Variants in PCDH15 observed in about 807,000 individuals in gnomAD.
PCDH15 encodes the protein protocadherin-15.
In PCDH15, 129 loss-of-function variants were observed where a neutral mutation model predicts 178.5. The ratio of observed to expected loss-of-function variants is 0.72; its 90% CI spans 0.63 to 0.84. The LOEUF is 0.84. Ranked by LOEUF, PCDH15 falls within the 40% of genes least tolerant of loss-of-function variation. The pLI, the probability that PCDH15 is intolerant of heterozygous loss-of-function variation, is 0.00. For synonymous variants in PCDH15, 800 were observed against 732.0 expected, an observed-to-expected ratio of 1.09 and a Z score of -1.50; for missense variants, 2,230 against 2,099.9, an observed-to-expected ratio of 1.06 and a Z score of -1.21.
At chr10:54,578,130 GC>G (rs2090693540) in intron 2 of PCDH15, among the ~76,000 whole-genome samples, 1 of 151,958 alleles carries the variant, frequency 6.6e-6, no homozygotes, top group African/African-American at 2.4e-5. Context: ...ATGTTGATTA[GC>G]CTACTCCTTA....
intron 8 of PCDH15, among the ~76,000 whole-genome samples, chr10:54,264,428 CT>C (rs2057536097): frequency 6.6e-6 from 1 of 152,016 alleles, no homozygotes; most frequent in African/African-American, 2.4e-5. Context: ...ATGTAAATGT[CT>C]GAAATGAGAG....
intron 2 of PCDH15, among the ~76,000 whole-genome samples, chr10:54,943,878 A>G (rs1326677336): frequency 2.0e-5 from 3 of 151,006 alleles, no homozygotes; most frequent in African/African-American, 7.3e-5. Context: ...AAAAAAAAGC[A>G]TGACATTCTG....
rs1029865601 is a variant in PCDH15 at position 53,902,442 on chromosome 10, T to G, written c.3501+801A>C. On this transcript the variant is annotated intron_variant, in intron 26 of 37. Coordinates refer to ENST00000644397, the MANE Select transcript of PCDH15 (RefSeq NM_001384140.1). The stretch of plus-strand genomic sequence containing the variant: ...ATTTGCCAGAGATGTTTAGGTTTTA[T>G]GTGCAATTTACAGCTATTTACAAGT... Among the ~76,000 whole-genome samples, 6 of 152,268 alleles carry G rather than the reference T, an allele frequency of 3.9e-5. No homozygotes were observed. The East Asian group carries it at 1.2e-3, about 29-fold the overall frequency.
At chr10:55,303,330 A>T (rs12414851) in intron 1 of PCDH15, among the ~76,000 whole-genome samples, 5,981 of 152,264 alleles carry the variant, frequency 0.039, 169 homozygotes, top group East Asian at 0.092. Flanking sequence ...GTCTTGCTTG[A>T]ATCAGATTGT....
chr10:54,354,008 C>G (rs112021301), intron 5 of PCDH15, among the ~76,000 whole-genome samples: 1 of 151,948 alleles, frequency 6.6e-6, no homozygotes, highest in African/African-American at 2.4e-5. Flanking sequence ...TTTGAGATGA[C>G]GAGTTTCGCT....
chr10:53,840,338 T>C lies in PCDH15; in HGVS notation c.3965A>G (p.Asp1322Gly). The change falls in exon 29 of 38, where the codon GAT becomes GGT. Residue 1322 changes from aspartate to glycine, a missense_variant. Transcript: ENST00000644397. ...AIDPQTNRAI[D>G]RNELFKFLDG... ...CACTTACTTAAAAAGCTCATTTCTA[T>C]CGATGGCTCTGTTGGTTTGGGGGTC... 6.2e-7 allele frequency: 1 copy of C among 1,614,192 alleles called. No homozygotes were observed. The highest frequency in any genetic ancestry group is 8.5e-7 in the Non-Finnish European group (1 of 1,180,008).
chr10:54,804,331 G>A (rs1303612131), upstream of PCDH15, among the ~76,000 whole-genome samples: 3 of 152,134 alleles, frequency 2.0e-5, no homozygotes, highest in South Asian at 2.1e-4. Context: ...GAGCCACCGC[G>A]CCTGCCAGCT....
At chr10:54,936,973 T>G (rs371692660) in intron 2 of PCDH15, among the ~76,000 whole-genome samples, 43 of 152,144 alleles carry the variant, frequency 2.8e-4, no homozygotes, top group African/African-American at 9.9e-4. Flanking sequence ...TTCTATGGTT[T>G]TATTTCTTAC....
In PCDH15 at chr10:54,132,954, G is replaced by A; in HGVS notation, c.1838C>T (p.Pro613Leu). 1.9e-6 allele frequency: 3 copies of A among 1,614,086 alleles called. No individual in the cohort carries two copies. The highest frequency in any genetic ancestry group is 2.5e-6 in the Non-Finnish European group (3 of 1,179,992). The change falls in exon 15 of 38, where the codon CCT becomes CTT. Residue 613 changes from proline (P) to leucine (L), a missense_variant. Transcript: ENST00000644397. ...IEVLPPNNQS[P>L]PRFPQLMYSL... is the part of the protein sequence containing the mutation. ...ATACATCAGCTGTGGGAAGCGAGGA[G>A]GGCTTTGATTATTTGGTGGAAGCAC...
intron 2 of PCDH15, among the ~76,000 whole-genome samples, chr10:55,479,772 C>G (rs1840138782): frequency 6.6e-6 from 1 of 150,990 alleles, no homozygotes; most frequent in Non-Finnish European, 1.5e-5. Flanking sequence ...CAGATTCCAC[C>G]AAAAAAAGGG....
intron 8 of PCDH15, among the ~76,000 whole-genome samples, chr10:54,316,140 T>G (rs1436478689): frequency 6.6e-6 from 1 of 152,114 alleles, no homozygotes; most frequent in African/African-American, 2.4e-5. Context: ...AACTATTTAT[T>G]TTTCTCTCCA....
chr10:54,633,746 T>C (rs1296079744), intron 2 of PCDH15, among the ~76,000 whole-genome samples: 1 of 152,126 alleles, frequency 6.6e-6, no homozygotes. Flanking sequence ...AAATATAAAG[T>C]ATCTACCTGT....
At chr10:54,300,846 T>C (rs1390527469) in intron 8 of PCDH15, among the ~76,000 whole-genome samples, 1 of 152,186 alleles carries the variant, frequency 6.6e-6, no homozygotes, top group Non-Finnish European at 1.5e-5. Context: ...CAGCAGGATG[T>C]GGATGGGGCC....
intron 5 of PCDH15, among the ~76,000 whole-genome samples, chr10:54,359,020 G>A (rs1945536794): frequency 8.2e-6 from 1 of 122,314 alleles, no homozygotes; most frequent in Non-Finnish European, 1.7e-5. Context: ...GTGGGGTGGG[G>A]GGAGGGGGAG....
At chr10:55,363,060 T>C (rs1012554367) in intron 2 of PCDH15, among the ~76,000 whole-genome samples, 2 of 152,188 alleles carry the variant, frequency 1.3e-5, no homozygotes, top group African/African-American at 4.8e-5. Flanking sequence ...ATGCAGTCCA[T>C]GGGCTGTGGG....
At chr10:54,492,982 C>T (rs912927796) in intron 3 of PCDH15, among the ~76,000 whole-genome samples, 11 of 152,082 alleles carry the variant, frequency 7.2e-5, no homozygotes, top group East Asian at 5.8e-4. Context: ...TAGATGGCAG[C>T]AGGCAAAGAG....
At position 54,876,479 on chromosome 10, in the gene PCDH15, G is replaced by A. The variant is rs78226852; in HGVS notation, c.-29+20971C>T. On this transcript the variant is annotated intron_variant, in intron 3 of 5. Transcript: ENST00000458638. ...CTTACAAGGAATCCGGGCAAAGTAC[G>A]TTGAAAACCTTCTGGAATCACCATT... is the stretch of plus-strand genomic sequence containing the variant. 8.8e-3 allele frequency among the ~76,000 whole-genome samples: 1,339 copies of A among 152,176 alleles called. 15 individuals are homozygous for A. The highest frequency in any genetic ancestry group is 0.03 in the African/African-American group (1,246 of 41,526).
intron 16 of PCDH15, among the ~76,000 whole-genome samples, chr10:54,083,717 A>G (rs1484590031): frequency 6.6e-6 from 1 of 152,174 alleles, no homozygotes; most frequent in East Asian, 1.9e-4. Flanking sequence ...TGGTAGGTGC[A>G]TGAGTTCTGA....
intron 25 of PCDH15, among the ~76,000 whole-genome samples, chr10:53,932,788 G>A (rs777225051): frequency 2.6e-5 from 4 of 152,158 alleles, no homozygotes; most frequent in Non-Finnish European, 5.9e-5. Flanking sequence ...ACACAGATGG[G>A]CAATCACTGA....
Sources: allele counts gnomAD v4.1 joint callset (sites outside exome capture counted in the v4.1 genomes callset), GRCh38; gene constraint gnomAD v4.1.1; transcripts MANE v1.5; gene names NCBI Gene and HGNC (gene_info 2026-07-23, HGNC 2026-07-21).